The following HDHD5 variants were observed in gnomAD, a reference collection of about 807,000 sequenced individuals.
HDHD5 encodes haloacid dehalogenase-like hydrolase domain-containing 5.
Under a neutral mutation model 35.5 loss-of-function variants are expected in HDHD5, and 34 were observed. The observed-to-expected ratio is 0.96, with a 90% CI of 0.73 to 1.28. HDHD5 has a LOEUF of 1.28. Among genes scored for constraint, HDHD5 ranks in the 50% most tolerant of loss-of-function variants. The pLI is 0.00. For missense variants in HDHD5, 589 were observed against 560.2 expected, an observed-to-expected ratio of 1.05 and a Z score of -0.52; for synonymous variants, 248 against 240.6, an observed-to-expected ratio of 1.03 and a Z score of -0.29.
At chr22:17,141,586 T>C in intron 5 of HDHD5, 1 of 1,083,936 alleles carries the variant, frequency 9.2e-7, no homozygotes, top group African/African-American at 1.7e-5. Flanking sequence ...GGGCTCCTGT[T>C]CCCTCAGTCG....
At chr22:17,152,450 C>T (rs1295315478) in intron 1 of HDHD5, among the ~76,000 whole-genome samples, 3 of 152,106 alleles carry the variant, frequency 2.0e-5, no homozygotes, top group Non-Finnish European at 4.4e-5. Context: ...GGGAGCCACA[C>T]GGACTCCCAT....
intron 6 of HDHD5, among the ~76,000 whole-genome samples, chr22:17,140,570 G>A (rs1273036583): frequency 2.0e-5 from 3 of 152,054 alleles, no homozygotes; most frequent in Non-Finnish European, 4.4e-5. Flanking sequence ...GGATGAGAGA[G>A]TGAGACACTG....
At chr22:17,143,965 G>T (rs767014222) in intron 4 of HDHD5, among the ~76,000 whole-genome samples, 2 of 152,210 alleles carry the variant, frequency 1.3e-5, no homozygotes, top group African/African-American at 4.8e-5. Context: ...TGAGTTAGGG[G>T]ACAAAGTCAG....
rs755145077 is a variant in HDHD5, at chr22:17,138,755, C to G, written c.747-17G>C. The stretch of plus-strand genomic sequence containing the variant: ...TGTCCAAACCTGCCAGAAACGAGCA[C>G]GCAGCAGTTCAGTCTTCCTGATCTC... On this transcript the variant is annotated splice_polypyrimidine_tract_variant and intron_variant, in intron 6 of 7. Coordinates refer to ENST00000336737, the MANE Select transcript of HDHD5 (RefSeq NM_033070.3). The G allele has an allele frequency of 6.2e-7, 1 of 1,613,948 alleles. No individual in the cohort carries two copies. Among genetic ancestry groups the G allele is most frequent in the South Asian group, 1.1e-5 (1 of 91,064 alleles).
At chr22:17,160,789 C>A (rs956599318), upstream of HDHD5, among the ~76,000 whole-genome samples, 5 of 152,160 alleles carry the variant, frequency 3.3e-5, no homozygotes, top group African/African-American at 1.2e-4. Flanking sequence ...TCAAGTCAGT[C>A]AAACTCACAA....
chr22:17,143,193 AC>A, intron 4 of HDHD5, 62 bp from the exon 5 acceptor site: 2 of 1,562,526 alleles, frequency 1.3e-6, no homozygotes, highest in Non-Finnish European at 1.7e-6. Context: ...GAGAACCACA[AC>A]CCCACCTCCA....
chr22:17,147,526 CCA>C (rs1491562449), intron 3 of HDHD5, among the ~76,000 whole-genome samples: 3 of 146,374 alleles, frequency 2.0e-5, no homozygotes, highest in Non-Finnish European at 4.5e-5. Flanking sequence ...CGCACACGCC[CCA>C]CACCTGTGGC....
Position 17,150,149 on chromosome 22 carries a change from T to C in HDHD5, c.127-404A>G, listed in dbSNP as rs536398794. On this transcript the variant is annotated intron_variant, in intron 1 of 7. Coordinates refer to ENST00000336737, the MANE Select transcript of HDHD5 (RefSeq NM_033070.3). ...CACTTTAAAACAACCAATTAATAGT[T>C]CCCCTTTTTTCTCTATTCTCATATT... is the stretch of plus-strand genomic sequence containing the variant. 2.0e-5 allele frequency among the ~76,000 whole-genome samples: 3 copies of C among 152,228 alleles called. No homozygotes were observed. In the South Asian group the frequency reaches 6.2e-4, roughly 32 times the overall value.
chr22:17,138,814 T>C, intron 6 of HDHD5, 76 bp from the exon 7 acceptor site: 1 of 1,540,850 alleles, frequency 6.5e-7, no homozygotes, highest in East Asian at 2.2e-5. Flanking sequence ...TGCCACTGTC[T>C]AAGCAGCAAA....
intron 3 of HDHD5, among the ~76,000 whole-genome samples, chr22:17,145,347 C>G (rs2061650094): frequency 6.6e-6 from 1 of 152,190 alleles, no homozygotes; most frequent in South Asian, 2.1e-4. Flanking sequence ...CAGCAGTCAC[C>G]AGGCACATGC....
chr22:17,143,424 A>C (rs1312556479), intron 4 of HDHD5: 5 of 336,958 alleles, frequency 1.5e-5, no homozygotes, highest in Admixed American at 1.0e-4. Flanking sequence ...AGATATAGCC[A>C]AGCAAGAGTC....
At chr22:17,138,766 A>G (rs758702354) in intron 6 of HDHD5, 28 bp from the exon 7 acceptor site, 2 of 1,613,378 alleles carry the variant, frequency 1.2e-6, no homozygotes, top group South Asian at 2.2e-5. Flanking sequence ...GCAGCAGTTC[A>G]GTCTTCCTGA....
At chr22:17,157,468 A>C (rs1193491054) in intron 1 of HDHD5, among the ~76,000 whole-genome samples, 4 of 152,064 alleles carry the variant, frequency 2.6e-5, no homozygotes, top group African/African-American at 7.2e-5. Flanking sequence ...AAATTGCCTT[A>C]AGTGAAGCCG....
upstream of HDHD5, among the ~76,000 whole-genome samples, chr22:17,160,849 A>G (rs918576608): frequency 6.6e-6 from 1 of 152,134 alleles, no homozygotes. Flanking sequence ...TAGGATTGCA[A>G]TGTTCCTAAT....
Position 17,145,451 on chromosome 22 carries a change from C to T in HDHD5, c.444-334G>A, listed in dbSNP as rs1199441619. Among the ~76,000 whole-genome samples the T allele has an allele frequency of 3.3e-5, 5 of 152,194 alleles. No homozygotes were observed. The East Asian group carries it at 9.6e-4, about 29-fold the overall frequency. On this transcript the variant is annotated intron_variant, in intron 3 of 7. Coordinates refer to ENST00000336737, the MANE Select transcript of HDHD5 (RefSeq NM_033070.3). ...GGGTGCAGTGGCTCATGCCTGAAATCCCAGCACTTTGGGAGGCTGAGGCAG... is the reference window on the plus strand; with the variant it reads ...GGGTGCAGTGGCTCATGCCTGAAATTCCAGCACTTTGGGAGGCTGAGGCAG...
upstream of HDHD5, among the ~76,000 whole-genome samples, chr22:17,160,459 C>T (rs1475394184): frequency 1.3e-5 from 2 of 151,756 alleles, 1 homozygote. Context: ...GACCACCTAG[C>T]CAAGATGGTG....
chr22:17,157,266 A>ATTTTCTT lies in HDHD5; in HGVS notation c.126+1853_126+1859dup, dbSNP rs748833735. ...AAGCAAGAAAGTTAAACTAAGGTTA[A>ATTTTCTT]TTTTCTTTTTTTTTTTTTTTGATAA... On this transcript the variant is annotated intron_variant, in intron 1 of 7. Transcript: ENST00000336737. Among the ~76,000 whole-genome samples, 3 of 139,802 alleles carry ATTTTCTT rather than the reference A, an allele frequency of 2.1e-5. No individual in the cohort carries two copies. The East Asian group carries it at 6.6e-4, about 31-fold the overall frequency. 91.7% of individuals were successfully genotyped at this position (139,802 alleles called of 152,430 possible).
At chr22:17,152,156 A>G (rs1257632803) in intron 1 of HDHD5, among the ~76,000 whole-genome samples, 1 of 152,200 alleles carries the variant, frequency 6.6e-6, no homozygotes. Context: ...GGTGGGGAAG[A>G]TTGGCCATCA....
At chr22:17,139,290 G>T (rs1034141954) in intron 6 of HDHD5, among the ~76,000 whole-genome samples, 22 of 152,158 alleles carry the variant, frequency 1.4e-4, no homozygotes, top group Non-Finnish European at 1.5e-4. Context: ...CACTTTGGGA[G>T]GCCAAGGCAG....
Sources: allele counts gnomAD v4.1 joint callset (sites outside exome capture counted in the v4.1 genomes callset), GRCh38; gene constraint gnomAD v4.1.1; transcripts MANE v1.5; gene names NCBI Gene and HGNC (gene_info 2026-07-23, HGNC 2026-07-21).